Variants in TENT4B observed in about 807,000 individuals in gnomAD.
TENT4B encodes the protein PAP associated domain containing 5.
A neutral mutation model predicts 75.0 loss-of-function variants in TENT4B; 10 were observed. The observed-to-expected ratio is 0.13, with a 90% CI of 0.08 to 0.23. The LOEUF (loss-of-function observed/expected upper bound fraction) is 0.23, where lower values mean the gene tolerates loss of function less well. TENT4B is among the 10% of genes least tolerant of loss of function. The pLI, the probability that TENT4B is intolerant of heterozygous loss-of-function variation, is 1.00. For synonymous variants in TENT4B, 350 were observed against 357.7 expected, an observed-to-expected ratio of 0.98 and a Z score of 0.24; for missense variants, 579 against 893.8, an observed-to-expected ratio of 0.65 and a Z score of 4.49.
At chr16:50,222,005 T>C (rs896092278) in intron 5 of TENT4B, among the ~76,000 whole-genome samples, 1 of 152,184 alleles carries the variant, frequency 6.6e-6, no homozygotes, top group Non-Finnish European at 1.5e-5. Flanking sequence ...CCTCAGGTGA[T>C]CTGCCCGCCT....
intron 1 of TENT4B, among the ~76,000 whole-genome samples, chr16:50,165,576 C>T (rs1161328163): frequency 1.3e-5 from 2 of 152,098 alleles, no homozygotes; most frequent in Non-Finnish European, 1.5e-5. Flanking sequence ...CCCATTATCA[C>T]TCCCCACTCC....
rs751976360 is a variant in TENT4B, at chr16:50,153,835, GCGGCCT to G, written c.220_225del (p.Ser74_Ala75del). ...CAGCAGCACCGGCAGCCCCGGCGGC[GCGGCCT>G]CGGCCCCGGCCCCGGCCCCGGCCGG... On this transcript the variant is annotated inframe_deletion, in exon 1 of 12. Transcript: ENST00000561678. 15 of 1,252,310 alleles carry G rather than the reference GCGGCCT, an allele frequency of 1.2e-5. No individual in the cohort carries two copies. Among genetic ancestry groups the G allele is most frequent in the Non-Finnish European group, 1.5e-5 (15 of 1,003,564 alleles). The allele number at this position is 1,252,310 out of a possible 1,614,324, so 77.6% of individuals were successfully genotyped here.
chr16:50,192,292 G>C (rs763469090), intron 1 of TENT4B, among the ~76,000 whole-genome samples: 3 of 151,644 alleles, frequency 2.0e-5, no homozygotes, highest in Non-Finnish European at 4.4e-5. Flanking sequence ...ACAACAAGTT[G>C]TCAAGCAAGT....
At position 50,194,277 on chromosome 16, in the gene TENT4B, G is replaced by A. The variant is rs147141597; in HGVS notation, c.639-17046G>A. The stretch of plus-strand genomic sequence containing the variant: ...GTCGCCCAGGCTGGAGTGCAATGGT[G>A]CAATCTCAGTTCACTGCAACCTCTG... On this transcript the variant is annotated intron_variant, in intron 1 of 11. Transcript: ENST00000561678. Among the ~76,000 whole-genome samples, 195 of 143,506 alleles carry A rather than the reference G, an allele frequency of 1.4e-3. 2 individuals are homozygous for A. The highest frequency in any genetic ancestry group is 0.013 in the East Asian group (63 of 4,850). The allele number at this position is 143,506 out of a possible 152,430, so 94.1% of individuals were successfully genotyped here.
chr16:50,196,488 TATCATC>T (rs10536148), intron 1 of TENT4B, among the ~76,000 whole-genome samples: 180 of 149,706 alleles, frequency 1.2e-3, no homozygotes, highest in East Asian at 4.1e-3. Flanking sequence ...AGTTTATCAT[TATCATC>T]ATCATCATCA....
chr16:50,221,575 C>A (rs909577293), intron 5 of TENT4B, among the ~76,000 whole-genome samples: 1 of 152,088 alleles, frequency 6.6e-6, no homozygotes, highest in African/African-American at 2.4e-5. Context: ...ATCTAAAGGT[C>A]GCTAGTCTAC....
intron 1 of TENT4B, among the ~76,000 whole-genome samples, chr16:50,203,574 T>C (rs2030780015): frequency 6.6e-6 from 1 of 152,232 alleles, no homozygotes; most frequent in Non-Finnish European, 1.5e-5. Context: ...TTGCCTACAT[T>C]CTGAAAGGTG....
In TENT4B at chr16:50,185,494, G is replaced by T. The variant is rs1567490864; in HGVS notation, c.639-25829G>T. Among the ~76,000 whole-genome samples the T allele has an allele frequency of 2.0e-5, 3 of 152,178 alleles. No homozygotes were observed. The South Asian group carries it at 6.2e-4, about 32-fold the overall frequency. On this transcript the variant is annotated intron_variant, in intron 1 of 11. Coordinates refer to ENST00000561678, the MANE Select transcript of TENT4B (RefSeq NM_001365324.3). Reference sequence around the variant, plus strand: ...AAGCTGGTCTTTATGGTAAGTTCTGGAACATTTCCCTGTGTCAATGGGTCA... The same window carrying T: ...AAGCTGGTCTTTATGGTAAGTTCTGTAACATTTCCCTGTGTCAATGGGTCA...
chr16:50,155,268 C>CGGTGTGTGT (rs1555506860), intron 1 of TENT4B, among the ~76,000 whole-genome samples: 1 of 30,082 alleles, frequency 3.3e-5, no homozygotes, highest in African/African-American at 1.1e-4. Flanking sequence ...TTTTGGGTCT[C>CGGTGTGTGT]GTGGGTGTGT....
At chr16:50,214,968 T>C (rs2031474839) in intron 3 of TENT4B, among the ~76,000 whole-genome samples, 1 of 152,168 alleles carries the variant, frequency 6.6e-6, no homozygotes, top group Non-Finnish European at 1.5e-5. Flanking sequence ...CACCCTCGCT[T>C]TCAAATTAAG....
intron 2 of TENT4B, among the ~76,000 whole-genome samples, chr16:50,212,576 G>C (rs2031340238): frequency 6.6e-6 from 1 of 152,138 alleles, no homozygotes; most frequent in South Asian, 2.1e-4. Flanking sequence ...TGTAAAACTT[G>C]CAAGTATATG....
intron 11 of TENT4B, among the ~76,000 whole-genome samples, chr16:50,228,659 C>T (rs1394890898): frequency 1.3e-5 from 2 of 152,190 alleles, no homozygotes; most frequent in Admixed American, 6.5e-5. Context: ...ACTTTACCTA[C>T]GCGGCCTTAG....
At chr16:50,223,068 C>G in intron 6 of TENT4B, 106 bp from the exon 7 acceptor site, 5 of 1,000,808 alleles carry the variant, frequency 5.0e-6, no homozygotes, top group Non-Finnish European at 7.3e-6. Context: ...CTATGCTAAA[C>G]CAAAATTATA....
chr16:50,167,373 C>T (rs2038120665), intron 1 of TENT4B, among the ~76,000 whole-genome samples: 1 of 148,480 alleles, frequency 6.7e-6, no homozygotes, highest in African/African-American at 2.5e-5. Context: ...AGATATTTAT[C>T]GCATGCTGTG....
chr16:50,212,091 C>T (rs1403389978), intron 2 of TENT4B, among the ~76,000 whole-genome samples: 1 of 152,062 alleles, frequency 6.6e-6, no homozygotes, highest in Non-Finnish European at 1.5e-5. Flanking sequence ...GATGGGGTCT[C>T]ACTCTGTTGC....
chr16:50,191,919 CAAAAAAACAAACAA>C (rs1376614835), intron 1 of TENT4B, among the ~76,000 whole-genome samples: 1 of 150,844 alleles, frequency 6.6e-6, no homozygotes, highest in Admixed American at 6.6e-5. Context: ...AACTCCATCT[CAAAAAAACAAACAA>C]ACAAACAAAA....
chr16:50,155,274 T>TGGGG (rs1363416621), intron 1 of TENT4B, among the ~76,000 whole-genome samples: 13 of 136,822 alleles, frequency 9.5e-5, no homozygotes, highest in African/African-American at 4.0e-4. Context: ...GTCTCGTGGG[T>TGGGG]GTGTGTGTGT....
In TENT4B at chr16:50,160,915, C is replaced by T. The variant is rs549846454; in HGVS notation, c.638+6656C>T. Among the ~76,000 whole-genome samples the T allele has an allele frequency of 3.3e-5, 5 of 152,314 alleles. No individual in the cohort carries two copies. The South Asian group carries it at 8.3e-4, about 25-fold the overall frequency. On this transcript the variant is annotated intron_variant, in intron 1 of 11. Transcript: ENST00000561678. ...AGAGACTGTATTAATCACTTACACA[C>T]ACATAGGTATAGAGTAATCTTGAAG...
At chr16:50,189,576 T>C (rs2038599995) in intron 1 of TENT4B, among the ~76,000 whole-genome samples, 2 of 152,134 alleles carry the variant, frequency 1.3e-5, no homozygotes, top group South Asian at 4.1e-4. Flanking sequence ...TGTCCCAGCA[T>C]GTGGTGCATT....
Sources: gnomAD v4.1 joint callset for allele counts (sites outside exome capture counted in the v4.1 genomes callset) on GRCh38, gnomAD v4.1.1 for gene constraint, MANE v1.5 for transcripts, NCBI Gene and HGNC (gene_info 2026-07-23, HGNC 2026-07-21) for gene names.